Variants in METTL21A observed in about 807,000 individuals in gnomAD.
METTL21A encodes the protein protein N-lysine methyltransferase METTL21A.
A neutral mutation model predicts 20.9 loss-of-function variants in METTL21A; 22 were observed. The ratio of observed to expected loss-of-function variants is 1.05; its 90% confidence interval spans 0.75 to 1.50. METTL21A has a LOEUF of 1.50. Ranked by LOEUF, METTL21A falls within the 40% of genes most tolerant of loss-of-function variation. The pLI is 0.00. For synonymous variants in METTL21A, 93 were observed against 102.0 expected, an observed-to-expected ratio of 0.91 and a Z score of 0.53; for missense variants, 271 against 266.8, an observed-to-expected ratio of 1.02 and a Z score of -0.11.
downstream of METTL21A, chr2:207,581,059 T>C: frequency 4.7e-6 from 1 of 214,950 alleles, no homozygotes; most frequent in Non-Finnish European, 9.4e-6. Context: ...TTTGCCTTTA[T>C]GTAACTTTAC....
At chr2:207,592,354 C>G (rs1405349779) in intron 3 of METTL21A, among the ~76,000 whole-genome samples, 1 of 151,986 alleles carries the variant, frequency 6.6e-6, no homozygotes, top group Non-Finnish European at 1.5e-5. Context: ...TTGCAGTAGC[C>G]CAGATCACGC....
chr2:207,597,308 C>T (rs1224081323), intron 3 of METTL21A: 2 of 390,530 alleles, frequency 5.1e-6, no homozygotes, highest in Admixed American at 4.7e-5. Context: ...TGCTTTTCAA[C>T]CCCCACCCTC....
chr2:207,589,558 T>TG (rs1487243963), intron 3 of METTL21A, among the ~76,000 whole-genome samples: 1 of 152,240 alleles, frequency 6.6e-6, no homozygotes, highest in African/African-American at 2.4e-5. Flanking sequence ...TGGACACCTT[T>TG]GGGGGACCTT....
chr2:207,614,785 A>T, intron 3 of METTL21A, among the ~76,000 whole-genome samples: 1 of 152,256 alleles, frequency 6.6e-6, no homozygotes, highest in African/African-American at 2.4e-5. Flanking sequence ...CACCTCATCT[A>T]CGTTGTAGGA....
exon 2 of METTL21A, chr2:207,624,392 C>T (rs751776633): frequency 2.5e-6 from 4 of 1,610,478 alleles, no homozygotes; most frequent in African/African-American, 1.3e-5. Context: ...TGCACCCCGC[C>T]CTCTGCTCAG....
intron 3 of METTL21A, among the ~76,000 whole-genome samples, chr2:207,618,780 C>A (rs2090114568): frequency 6.6e-6 from 1 of 151,762 alleles, no homozygotes; most frequent in East Asian, 1.9e-4. Context: ...TTATCATACT[C>A]TAGTCACCTG....
intron 3 of METTL21A, among the ~76,000 whole-genome samples, chr2:207,613,770 G>A (rs1053481197): frequency 3.3e-5 from 5 of 152,180 alleles, no homozygotes; most frequent in African/African-American, 1.2e-4. Context: ...GATCACCTGA[G>A]GTCAGGAGTT....
chr2:207,625,375 G>A (rs2091007923), exon 1 of METTL21A: 1 of 152,158 alleles, frequency 6.6e-6, no homozygotes, highest in African/African-American at 2.4e-5. Flanking sequence ...GGCGGCCCCG[G>A]CCCGGAGCCA....
intron 3 of METTL21A, among the ~76,000 whole-genome samples, chr2:207,590,747 TACTG>T (rs1339626621): frequency 1.3e-5 from 2 of 152,158 alleles, no homozygotes; most frequent in African/African-American, 2.4e-5. Flanking sequence ...CGATGGATAA[TACTG>T]ACTGTGTTCC....
At chr2:207,608,098 A>G, downstream of METTL21A, among the ~76,000 whole-genome samples, 1 of 152,082 alleles carries the variant, frequency 6.6e-6, no homozygotes, top group East Asian at 1.9e-4. Context: ...TAAACCTTGT[A>G]TCCACTAGTC....
chr2:207,591,675 C>T lies in METTL21A; in HGVS notation c.260-9515G>A, dbSNP rs180705473. On this transcript the variant is annotated intron_variant, in intron 3 of 3. Transcript: ENST00000425132. ...CTCAAACTCCTGACCTCAAGTTATC[C>T]GCTCACCTCAGCCTCCCAAAGTGCT... is the stretch of plus-strand genomic sequence containing the variant. Among the ~76,000 whole-genome samples, 54 of 152,234 alleles carry T rather than the reference C, an allele frequency of 3.5e-4. No homozygotes were observed. The East Asian group carries it at 7.3e-3, about 21-fold the overall frequency.
intron 3 of METTL21A, among the ~76,000 whole-genome samples, chr2:207,587,799 G>T (rs867585465): frequency 1.6e-4 from 25 of 152,202 alleles, no homozygotes; most frequent in African/African-American, 5.1e-4. Flanking sequence ...GGAAGGGAAG[G>T]TGAGATAGGG....
intron 3 of METTL21A, among the ~76,000 whole-genome samples, chr2:207,583,518 G>A (rs2083301892): frequency 6.6e-6 from 1 of 151,954 alleles, no homozygotes. Context: ...TTTGTTTTTG[G>A]CCTAATAGTA....
intron 3 of METTL21A, chr2:207,601,621 A>G (rs965016489): frequency 1.9e-5 from 4 of 209,410 alleles, no homozygotes; most frequent in Non-Finnish European, 3.9e-5. Flanking sequence ...ATGCCAAAAT[A>G]TCCATTAATT....
chr2:207,606,235 G>C (rs927776794), downstream of METTL21A, among the ~76,000 whole-genome samples: 1 of 152,188 alleles, frequency 6.6e-6, no homozygotes, highest in Non-Finnish European at 1.5e-5. Flanking sequence ...ATCACTTTGG[G>C]AGGCCGAGGC....
intron 3 of METTL21A, among the ~76,000 whole-genome samples, chr2:207,586,710 CAA>C (rs1229042173): frequency 6.6e-6 from 1 of 151,984 alleles, no homozygotes; most frequent in Non-Finnish European, 1.5e-5. Context: ...AACAGGAAAA[CAA>C]ACAAAAATCC....
chr2:207,609,113 A>G (rs2088564616), downstream of METTL21A: 1 of 152,242 alleles, frequency 6.6e-6, no homozygotes, highest in South Asian at 2.1e-4. Flanking sequence ...CAGAATGCTC[A>G]CAACTTTTAA....
rs894500931 is a variant in METTL21A, at chr2:207,581,928, T to C, written c.*219A>G. 4.3e-6 allele frequency: 3 copies of C among 702,940 alleles called. No homozygotes were observed. In the African/African-American group the frequency reaches 5.2e-5, roughly 12 times the overall value. 43.5% of individuals were successfully genotyped at this position (702,940 alleles called of 1,614,324 possible). ...TTTTCTTTTAGAATATCCCTCAGTT[T>C]GCATTTGTCCAGTGTTTTCTATGGA... On this transcript the variant is annotated 3_prime_UTR_variant, in exon 4 of 4. Coordinates refer to the METTL21A transcript ENST00000425132.
At chr2:207,592,083 A>G (rs1440599439) in intron 3 of METTL21A, among the ~76,000 whole-genome samples, 1 of 152,162 alleles carries the variant, frequency 6.6e-6, no homozygotes, top group African/African-American at 2.4e-5. Context: ...TTTCATCATC[A>G]TATTTGAAAG....
Sources: allele counts gnomAD v4.1 joint callset (sites outside exome capture counted in the v4.1 genomes callset), GRCh38; gene constraint gnomAD v4.1.1; transcripts MANE v1.5; gene names NCBI Gene and HGNC (gene_info 2026-07-23, HGNC 2026-07-21).